Variants in GLB1L2 observed in about 807,000 individuals in gnomAD.
The protein encoded by GLB1L2 is galactosidase beta 1 like 2.
Under a neutral mutation model 84.1 loss-of-function variants are expected in GLB1L2, and 68 were observed. The ratio of observed to expected loss-of-function variants is 0.81; its 90% CI spans 0.67 to 0.99. The LOEUF (loss-of-function observed/expected upper bound fraction) is 0.99, where lower values mean the gene tolerates loss of function less well. Ranked by LOEUF, GLB1L2 falls within the 50% of genes least tolerant of loss-of-function variation. The probability of loss-of-function intolerance (pLI) is 0.00; values close to 1 mark genes in which losing one functional copy is unlikely to be tolerated. For missense variants in GLB1L2, 762 were observed against 805.6 expected, an observed-to-expected ratio of 0.95 and a Z score of 0.66; for synonymous variants, 290 against 318.0, an observed-to-expected ratio of 0.91 and a Z score of 0.94.
chr11:134,354,949 T>A lies in GLB1L2; in HGVS notation c.559-1352T>A, dbSNP rs116557718. Reference sequence around the variant, plus strand: ...ATCTCCCTGCCCTTTTATCTCTCTTTTTCTTCTAAGAAACCCATAATTCAT... The same window carrying A: ...ATCTCCCTGCCCTTTTATCTCTCTTATTCTTCTAAGAAACCCATAATTCAT... On this transcript the variant is annotated intron_variant, in intron 5 of 18. Transcript: ENST00000535456. Among the ~76,000 whole-genome samples, 1,027 of 152,304 alleles carry A rather than the reference T, an allele frequency of 6.7e-3. 10 individuals carry two copies. The highest frequency in any genetic ancestry group is 0.023 in the African/African-American group (953 of 41,574).
At chr11:134,357,602 G>A (rs1403668461) in intron 6 of GLB1L2, among the ~76,000 whole-genome samples, 1 of 152,278 alleles carries the variant, frequency 6.6e-6, no homozygotes, top group African/African-American at 2.4e-5. Context: ...CTCAGCTGCA[G>A]AGAAGGAGAG....
At chr11:134,363,323 C>T (rs1266494885) in intron 7 of GLB1L2, among the ~76,000 whole-genome samples, 3 of 152,250 alleles carry the variant, frequency 2.0e-5, no homozygotes, top group Non-Finnish European at 4.4e-5. Context: ...CTGTCGCTTG[C>T]GTTCCTTCAC....
At position 134,334,275 on chromosome 11, in the gene GLB1L2, C is replaced by T. The variant is rs140138693; in HGVS notation, c.86+2128C>T. On this transcript the variant is annotated intron_variant, in intron 1 of 18. Coordinates refer to ENST00000535456, the MANE Select transcript of GLB1L2 (RefSeq NM_001370461.1). The surrounding 1 kb of genome is among the most constrained non-coding windows in gnomAD (Gnocchi z 4.1). ...GTCAGGAGCAGCCCCTTTCCTGTAGCAGAAGGCAGGTATTTGGACAGTGGC... is the reference window on the plus strand; with the variant it reads ...GTCAGGAGCAGCCCCTTTCCTGTAGTAGAAGGCAGGTATTTGGACAGTGGC... 6.6e-6 allele frequency among the ~76,000 whole-genome samples: 1 copy of T among 152,172 alleles called. No individual in the cohort carries two copies. Among genetic ancestry groups the T allele is most frequent in the Non-Finnish European group, 1.5e-5 (1 of 68,012 alleles).
At position 134,344,316 on chromosome 11, in the gene GLB1L2, A is replaced by C. The variant is rs1442594918; in HGVS notation, c.285-71A>C. On this transcript the variant is annotated intron_variant, in intron 2 of 18. Transcript: ENST00000535456. Reference sequence around the variant, plus strand: ...GCCATCATATTGGATTTTTGGGCTAAAGAAGGTAATGTGAGAGGTGAAATG... The same window carrying C: ...GCCATCATATTGGATTTTTGGGCTACAGAAGGTAATGTGAGAGGTGAAATG... The C allele has an allele frequency of 3.2e-6, 5 of 1,577,756 alleles. No individual in the cohort carries two copies. In the Admixed American group the frequency reaches 5.0e-5, roughly 16 times the overall value.
rs1394145203 is a variant in GLB1L2, at chr11:134,375,428, C to T, written c.*370C>T. 3.5e-5 allele frequency: 7 copies of T among 202,782 alleles called. No homozygotes were observed. The highest frequency in any genetic ancestry group is 4.9e-5 in the Non-Finnish European group (5 of 102,104). The allele number at this position is 202,782 out of a possible 1,614,324, so 12.6% of individuals were successfully genotyped here. A position where few individuals can be genotyped will look rare whatever the true frequency, so the allele number is the denominator to read the frequency against. On this transcript the variant is annotated 3_prime_UTR_variant, in exon 19 of 19. Transcript: ENST00000535456. Reference sequence around the variant, plus strand: ...CCTGCGAGCATCTGCTGGACTCAGGCGTGCTCTTTGCTGGTTCCTGGGAGG... The same window carrying T: ...CCTGCGAGCATCTGCTGGACTCAGGTGTGCTCTTTGCTGGTTCCTGGGAGG...
At chr11:134,367,902 G>A (rs767367651) in intron 9 of GLB1L2, among the ~76,000 whole-genome samples, 2 of 152,194 alleles carry the variant, frequency 1.3e-5, no homozygotes, top group African/African-American at 2.4e-5. Context: ...TTAAGCGCAC[G>A]CCATCCCGGC....
In GLB1L2 at chr11:134,370,509, A is replaced by G; in HGVS notation, c.1215+110A>G. On this transcript the variant is annotated intron_variant, in intron 12 of 18. Coordinates refer to ENST00000535456, the MANE Select transcript of GLB1L2 (RefSeq NM_001370461.1). This position sits in a 1 kb window ranked among gnomAD's most constrained non-coding sequence, Gnocchi z 4.7. Reference sequence around the variant, plus strand: ...GGCGGGAGGTGAGAGTCGTCGGGGCAGCAGGGCCTGGAGCCCCTCCAGACA... The same window carrying G: ...GGCGGGAGGTGAGAGTCGTCGGGGCGGCAGGGCCTGGAGCCCCTCCAGACA... 1.2e-6 allele frequency: 1 copy of G among 810,722 alleles called. No homozygotes were observed. The highest frequency in any genetic ancestry group is 2.1e-6 in the Non-Finnish European group (1 of 486,044). The allele number at this position is 810,722 out of a possible 1,614,324, so 50.2% of individuals were successfully genotyped here.
At chr11:134,350,089 A>T (rs550759372) in intron 5 of GLB1L2, among the ~76,000 whole-genome samples, 30 of 152,192 alleles carry the variant, frequency 2.0e-4, no homozygotes, top group Non-Finnish European at 3.7e-4. Flanking sequence ...GGCTTGGGGG[A>T]GGGATGTGCA....
Position 134,373,710 on chromosome 11 carries a change from C to A in GLB1L2, c.1508-11C>A. The A allele has an allele frequency of 6.3e-7, 1 of 1,593,736 alleles. No individual in the cohort carries two copies. Among genetic ancestry groups the A allele is most frequent in the Non-Finnish European group, 8.6e-7 (1 of 1,163,044 alleles). The stretch of plus-strand genomic sequence containing the variant: ...TTTGGGCTACCCACGTGTCCTGCCT[C>A]CCTCCCACAGGCTTAATTGGAAATC... On this transcript the variant is annotated splice_polypyrimidine_tract_variant and intron_variant, in intron 15 of 18. Coordinates refer to ENST00000535456, the MANE Select transcript of GLB1L2 (RefSeq NM_001370461.1).
At chr11:134,365,280 G>A (rs1359093007) in intron 8 of GLB1L2, among the ~76,000 whole-genome samples, 3 of 152,252 alleles carry the variant, frequency 2.0e-5, no homozygotes, top group Non-Finnish European at 4.4e-5. Flanking sequence ...GAGGCTCCCA[G>A]GAGGAGGTGG....
At chr11:134,347,541 A>G (rs571402910) in intron 5 of GLB1L2, 108 bp downstream of exon 5, 1 of 764,918 alleles carries the variant, frequency 1.3e-6, no homozygotes, top group South Asian at 1.5e-5. Flanking sequence ...TGAACACACG[A>G]GCAGGCTCTT....
chr11:134,357,453 G>A (rs983274249), intron 6 of GLB1L2, among the ~76,000 whole-genome samples: 3 of 152,214 alleles, frequency 2.0e-5, no homozygotes, highest in South Asian at 2.1e-4. Context: ...GCCCAGCCAC[G>A]GCCTGGAGTA....
rs952786451 is a variant in GLB1L2 at position 134,342,783 on chromosome 11, G to C, written c.116G>C (p.Arg39Pro). The C allele has an allele frequency of 6.2e-7, 1 of 1,613,970 alleles. No individual in the cohort carries two copies. The highest frequency in any genetic ancestry group is 1.3e-5 in the African/African-American group (1 of 75,066). ...RLDWSTLVPLRLRHRQLGLQA... is the reference protein window; with the variant it reads ...RLDWSTLVPLPLRHRQLGLQA... ...GACTGGAGCACCCTGGTCCCTCTGC[G>C]GCTCCGCCATCGACAGCTGGGGCTG... The change falls in exon 2 of 19, where the codon CGG becomes CCG. Residue 39 changes from arginine to proline, a missense_variant. Transcript: ENST00000535456.
chr11:134,342,687 G>A lies in GLB1L2; in HGVS notation c.87-67G>A, dbSNP rs554058132. Reference sequence around the variant, plus strand: ...GAGAGAAATGCCGAGGACCTGCGAAGGGGCGAGGAAGCCGATCTCTCTGCG... The same window carrying A: ...GAGAGAAATGCCGAGGACCTGCGAAAGGGCGAGGAAGCCGATCTCTCTGCG... On this transcript the variant is annotated intron_variant, in intron 1 of 18. Coordinates refer to ENST00000535456, the MANE Select transcript of GLB1L2 (RefSeq NM_001370461.1). 7.4e-6 allele frequency: 11 copies of A among 1,484,038 alleles called. 1 individual carries two copies. The South Asian group carries it at 9.9e-5, about 13-fold the overall frequency. The allele number at this position is 1,484,038 out of a possible 1,614,324, so 91.9% of individuals were successfully genotyped here.
intron 1 of GLB1L2, 70 bp downstream of exon 1, chr11:134,332,217 C>A: frequency 1.8e-6 from 2 of 1,111,422 alleles, no homozygotes; most frequent in Non-Finnish European, 2.5e-6. Context: ...CGGGTTCTCT[C>A]CTCCCGCGAC....
In GLB1L2 at chr11:134,332,124, C is replaced by T. The variant is rs1199153057; in HGVS notation, c.63C>T (p.Val21=). 1.3e-6 allele frequency: 2 copies of T among 1,584,672 alleles called. No individual in the cohort carries two copies. Among genetic ancestry groups the T allele is most frequent in the East Asian group, 2.3e-5 (1 of 42,672 alleles). The change falls in exon 1 of 19, where the codon GTC becomes GTT. Residue 21 remains valine, a synonymous_variant. Coordinates refer to ENST00000535456, the MANE Select transcript of GLB1L2 (RefSeq NM_001370461.1). ...CGCTGGGACTCCTGCTGCTGGTCGT[C>T]TTGGGCTTCCTGGTGCTCCGCAGGT... is the stretch of plus-strand genomic sequence containing the variant. ...ARTLGLLLLV[V]LGFLVLRRLD...
intron 7 of GLB1L2, among the ~76,000 whole-genome samples, chr11:134,363,005 C>T (rs1286456580): frequency 6.6e-6 from 1 of 152,226 alleles, no homozygotes; most frequent in Non-Finnish European, 1.5e-5. Flanking sequence ...CCACTCTCCG[C>T]TTGTATTTGT....
Position 134,373,908 on chromosome 11 carries a change from G to A in GLB1L2, c.1595+100G>A, listed in dbSNP as rs535590390. 3.9e-3 allele frequency: 3,509 copies of A among 905,572 alleles called. 10 individuals are homozygous for A. The highest frequency in any genetic ancestry group is 5.3e-3 in the Non-Finnish European group (3,045 of 574,238). The allele number at this position is 905,572 out of a possible 1,614,324, so 56.1% of individuals were successfully genotyped here. On this transcript the variant is annotated intron_variant, in intron 16 of 18. Transcript: ENST00000535456. ...GCACCGTGGCCTGGCCCGCACCCAG[G>A]TGTGAACGCCTCCAGGGGCCAGATC...
intron 5 of GLB1L2, among the ~76,000 whole-genome samples, chr11:134,347,790 C>CTATCT (rs1455449576): frequency 6.6e-6 from 1 of 152,212 alleles, no homozygotes; most frequent in East Asian, 1.9e-4. Flanking sequence ...GAACACCCAT[C>CTATCT]TATCTACCAG....
Sources: gnomAD v4.1 joint callset for allele counts (sites outside exome capture counted in the v4.1 genomes callset) on GRCh38, gnomAD v4.1.1 for gene constraint, Gnocchi (gnomAD v3.1) non-coding constraint, MANE v1.5 for transcripts, NCBI Gene and HGNC (gene_info 2026-07-23, HGNC 2026-07-21) for gene names.